The following PHACTR2 variants were observed in gnomAD, a reference collection of about 807,000 sequenced individuals.
The protein encoded by PHACTR2 is phosphatase and actin regulator 2, also known as chromosome 6 open reading frame 56.
Under a neutral mutation model 76.0 loss-of-function variants are expected in PHACTR2, and 30 were observed. The ratio of observed to expected loss-of-function variants is 0.39; its 90% CI spans 0.30 to 0.54. The LOEUF (loss-of-function observed/expected upper bound fraction) is 0.54, where lower values mean the gene tolerates loss of function less well. Among genes scored for constraint, PHACTR2 ranks in the 20% least tolerant of loss-of-function variants. The pLI is 0.61. For synonymous variants in PHACTR2, 292 were observed against 292.5 expected (o/e 1.00, Z 0.02); for missense variants, 696 against 781.1 (o/e 0.89, Z 1.30).
intron 1 of PHACTR2, among the ~76,000 whole-genome samples, chr6:143,540,563 G>A (rs1374225513): frequency 3.9e-5 from 6 of 152,020 alleles, no homozygotes; most frequent in Non-Finnish European, 2.9e-5. Flanking sequence ...TACCGTGAGG[G>A]TACCCCAAGA....
intron 1 of PHACTR2, among the ~76,000 whole-genome samples, chr6:143,630,340 A>T (rs888144380): frequency 2.0e-5 from 3 of 151,746 alleles, no homozygotes; most frequent in Non-Finnish European, 4.4e-5. Context: ...TTAAGAAATA[A>T]TGTTAATATA....
At chr6:143,552,518 A>G (rs1182246491) in intron 1 of PHACTR2, among the ~76,000 whole-genome samples, 5 of 152,248 alleles carry the variant, frequency 3.3e-5, no homozygotes, top group African/African-American at 9.6e-5. Flanking sequence ...GTACCTTTCA[A>G]TAATCTTTCA....
chr6:143,679,237 T>G lies in PHACTR2; in HGVS notation c.46+1028T>G, dbSNP rs1056234738. On this transcript the variant is annotated intron_variant, in intron 1 of 12. Transcript: ENST00000440869. The surrounding 1 kb of genome is among the most constrained non-coding windows in gnomAD (Gnocchi z 4.6). ...CCACCCCACTTTATACCCAGTGGGT[T>G]TCTTTAGGTAGCACAGCTTCACTCC... Among the ~76,000 whole-genome samples, 1 of 152,188 alleles carries G rather than the reference T, an allele frequency of 6.6e-6. No homozygotes were observed. The highest frequency in any genetic ancestry group is 1.5e-5 in the Non-Finnish European group (1 of 68,028).
At chr6:143,786,882 T>G (rs1002923460) in intron 10 of PHACTR2, among the ~76,000 whole-genome samples, 1 of 152,198 alleles carries the variant, frequency 6.6e-6, no homozygotes, top group African/African-American at 2.4e-5. Flanking sequence ...CAAGTTGAGA[T>G]TTGGGTGAGG....
rs73579888 is a variant in PHACTR2, at chr6:143,730,664, C to G, written c.215-18321C>G. On this transcript the variant is annotated intron_variant, in intron 2 of 12. Transcript: ENST00000440869. This position sits in a 1 kb window ranked among gnomAD's most constrained non-coding sequence, Gnocchi z 4.8. Reference sequence around the variant, plus strand: ...GGACTTGTACTACAATAGTAAACAGCAGTGTTGAAGGAGATATCCATGCTT... The same window carrying G: ...GGACTTGTACTACAATAGTAAACAGGAGTGTTGAAGGAGATATCCATGCTT... 0.098 allele frequency among the ~76,000 whole-genome samples: 14,846 copies of G among 152,122 alleles called. 1,342 individuals are homozygous for G. The highest frequency in any genetic ancestry group is 0.24 in the African/African-American group (9,848 of 41,462).
At chr6:143,588,569 C>T (rs1775653365) in intron 1 of PHACTR2, among the ~76,000 whole-genome samples, 2 of 152,068 alleles carry the variant, frequency 1.3e-5, no homozygotes, top group African/African-American at 4.8e-5. Context: ...GTAAGGCTTT[C>T]TCAGAATCTA....
At chr6:143,631,719 T>C (rs1292005264) in intron 1 of PHACTR2, among the ~76,000 whole-genome samples, 1 of 152,216 alleles carries the variant, frequency 6.6e-6, no homozygotes, top group African/African-American at 2.4e-5. Flanking sequence ...GTCTGCAGTC[T>C]GGTCCTGGGA....
intron 1 of PHACTR2, among the ~76,000 whole-genome samples, chr6:143,694,088 A>AGGAGGGAAAGAAGGAAG (rs1777714535): frequency 6.8e-6 from 1 of 147,756 alleles, no homozygotes; most frequent in Non-Finnish European, 1.5e-5. Flanking sequence ...AAAAGAAGGA[A>AGGAGGGAAAGAAGGAAG]GGAGGGAAAG....
In PHACTR2 at chr6:143,821,116, G is replaced by A. The variant is rs1776409264; in HGVS notation, c.1923-2558G>A. Among the ~76,000 whole-genome samples, 1 of 152,244 alleles carries A rather than the reference G, an allele frequency of 6.6e-6. No homozygotes were observed. The highest frequency in any genetic ancestry group is 2.4e-5 in the African/African-American group (1 of 41,462). ...CCCTTGACCTGGCCCTCGAAAAAGT[G>A]AAAGAGTGATGTTGCCTCTGTGTAT... is the stretch of plus-strand genomic sequence containing the variant. On this transcript the variant is annotated intron_variant, in intron 12 of 12. Transcript: ENST00000440869. This position sits in a 1 kb window ranked among gnomAD's most constrained non-coding sequence, Gnocchi z 5.2.
intron 11 of PHACTR2, among the ~76,000 whole-genome samples, chr6:143,792,086 T>A (rs994026465): frequency 6.6e-6 from 1 of 152,166 alleles, no homozygotes; most frequent in Non-Finnish European, 1.5e-5. Context: ...TAGACCTGAG[T>A]GGGTTTTGTG....
intron 2 of PHACTR2, among the ~76,000 whole-genome samples, chr6:143,726,081 G>C (rs941061673): frequency 4.6e-5 from 7 of 152,180 alleles, no homozygotes; most frequent in Non-Finnish European, 8.8e-5. Context: ...GTACATTCTT[G>C]TGTGAGCAAA....
chr6:143,698,949 C>T lies in PHACTR2; in HGVS notation c.47-13067C>T, dbSNP rs1181632286. Among the ~76,000 whole-genome samples the T allele has an allele frequency of 6.6e-6, 1 of 152,176 alleles. No individual in the cohort carries two copies. The highest frequency in any genetic ancestry group is 1.5e-5 in the Non-Finnish European group (1 of 68,012). ...GCAACACTGTTGCCCTGGTAATTCT[C>T]TTCAATGGTGGCTCTGTTGTCCTTT... On this transcript the variant is annotated intron_variant, in intron 1 of 12. Transcript: ENST00000440869. This position sits in a 1 kb window ranked among gnomAD's most constrained non-coding sequence, Gnocchi z 4.3.
rs1286272152 is a variant in PHACTR2, at chr6:143,809,200, T to C, written c.1922+2067T>C. Among the ~76,000 whole-genome samples the C allele has an allele frequency of 1.3e-5, 2 of 152,238 alleles. No homozygotes were observed. Among genetic ancestry groups the C allele is most frequent in the Non-Finnish European group, 2.9e-5 (2 of 68,042 alleles). ...AATTACAGTCAAAAGGAATCAAATT[T>C]TAAAAGTACATTTTTATGGAAGTTC... On this transcript the variant is annotated intron_variant, in intron 12 of 12. Coordinates refer to ENST00000440869, the MANE Select transcript of PHACTR2 (RefSeq NM_001100164.2). The surrounding 1 kb of genome is among the most constrained non-coding windows in gnomAD (Gnocchi z 4.2).
chr6:143,672,269 A>G lies in PHACTR2; in HGVS notation c.14-39747A>G, dbSNP rs1317489562. ...AGCTGCAAGCAAGCCTGGGCAATAT[A>G]GTGAGACCCTATCTCTACAAAAAAA... On this transcript the variant is annotated intron_variant, in intron 1 of 11. Transcript: ENST00000305766. The surrounding 1 kb of genome is among the most constrained non-coding windows in gnomAD (Gnocchi z 5.8). Among the ~76,000 whole-genome samples the G allele has an allele frequency of 1.3e-5, 2 of 151,252 alleles. No homozygotes were observed. Among genetic ancestry groups the G allele is most frequent in the African/African-American group, 4.9e-5 (2 of 40,770 alleles).
chr6:143,692,777 C>T lies in PHACTR2; in HGVS notation c.46+14568C>T, dbSNP rs933598000. ...AAGCTGTGTGACATTTTCACTTTACCTTCGACATGTTAATAAATAACTTTG... is the reference window on the plus strand; with the variant it reads ...AAGCTGTGTGACATTTTCACTTTACTTTCGACATGTTAATAAATAACTTTG... On this transcript the variant is annotated intron_variant, in intron 1 of 12. Transcript: ENST00000440869. Among the ~76,000 whole-genome samples the T allele has an allele frequency of 2.0e-5, 3 of 152,284 alleles. No individual in the cohort carries two copies. In the East Asian group the frequency reaches 5.8e-4, roughly 29 times the overall value.
In PHACTR2 at chr6:143,556,259, CATTT is replaced by C. The variant is rs1775172607; in HGVS notation, c.217+19061_217+19064del. On this transcript the variant is annotated intron_variant, in intron 1 of 11. Transcript: ENST00000367584. The surrounding 1 kb of genome is among the most constrained non-coding windows in gnomAD (Gnocchi z 4.3). ...CATTTCAGACTTTCTTCCTTAAATT[CATTT>C]ATTTATTTCAGGACATTAAGGTATG... Among the ~76,000 whole-genome samples the C allele has an allele frequency of 6.6e-6, 1 of 152,198 alleles. No individual in the cohort carries two copies. Among genetic ancestry groups the C allele is most frequent in the Non-Finnish European group, 1.5e-5 (1 of 68,034 alleles).
At position 143,541,557 on chromosome 6, in the gene PHACTR2, C is replaced by T. The variant is rs550327197; in HGVS notation, c.217+4350C>T. Among the ~76,000 whole-genome samples the T allele has an allele frequency of 1.5e-3, 223 of 152,320 alleles. No homozygotes were observed. The highest frequency in any genetic ancestry group is 5.0e-3 in the African/African-American group (207 of 41,554). The stretch of plus-strand genomic sequence containing the variant: ...ACTTCATTAGCTTAATGTGCAAGTA[C>T]AATCTCATCTTTTTATTACTGTGAT... On this transcript the variant is annotated intron_variant, in intron 1 of 11. Coordinates refer to the PHACTR2 transcript ENST00000367584. This position sits in a 1 kb window ranked among gnomAD's most constrained non-coding sequence, Gnocchi z 5.3.
In PHACTR2 at chr6:143,783,987, T is replaced by C. The variant is rs548685222; in HGVS notation, c.1707+707T>C. Among the ~76,000 whole-genome samples the C allele has an allele frequency of 1.2e-4, 18 of 144,868 alleles. No individual in the cohort carries two copies. Among genetic ancestry groups the C allele is most frequent in the Admixed American group, 8.3e-4 (12 of 14,476 alleles). ...CTGGACAACATAGTGAGACCTTGTT[T>C]CAAAAAAAAAGAATTAATTGAAAAT... On this transcript the variant is annotated intron_variant, in intron 10 of 12. Coordinates refer to ENST00000440869, the MANE Select transcript of PHACTR2 (RefSeq NM_001100164.2). This position sits in a 1 kb window ranked among gnomAD's most constrained non-coding sequence, Gnocchi z 5.2.
chr6:143,578,948 G>A lies in PHACTR2; in HGVS notation c.217+41741G>A, dbSNP rs560824756. 2.6e-5 allele frequency among the ~76,000 whole-genome samples: 4 copies of A among 152,188 alleles called. No individual in the cohort carries two copies. Among genetic ancestry groups the A allele is most frequent in the African/African-American group, 7.2e-5 (3 of 41,514 alleles). ...AGACAGGATCTTGTTCTGGCACCCAGGCTGGAGTGCAGTGGCGTGATCACA... is the reference window on the plus strand; with the variant it reads ...AGACAGGATCTTGTTCTGGCACCCAAGCTGGAGTGCAGTGGCGTGATCACA... On this transcript the variant is annotated intron_variant, in intron 1 of 11. Coordinates refer to the PHACTR2 transcript ENST00000367584. This position sits in a 1 kb window ranked among gnomAD's most constrained non-coding sequence, Gnocchi z 4.5.
Sources: allele counts gnomAD v4.1 joint callset (sites outside exome capture counted in the v4.1 genomes callset), GRCh38; gene constraint gnomAD v4.1.1; non-coding constraint Gnocchi (gnomAD v3.1); transcripts MANE v1.5; gene names NCBI Gene and HGNC (gene_info 2026-07-23, HGNC 2026-07-21).